Variants in ZFAND3 observed in about 807,000 individuals in gnomAD.
ZFAND3 encodes zinc finger AN1-type containing 3, also known as AN1-type zinc finger protein 3.
ZFAND3 carries 10 observed loss-of-function variants against 29.6 expected under a neutral mutation model. That is an observed-to-expected ratio of 0.34 (90% CI 0.21 to 0.57). ZFAND3 has a LOEUF of 0.57. ZFAND3 is among the 20% of genes least tolerant of loss of function. ZFAND3 has a pLI of 0.86. For missense variants in ZFAND3, 230 were observed against 304.5 expected, an observed-to-expected ratio of 0.76 and a Z score of 1.82; for synonymous variants, 128 against 112.6, an observed-to-expected ratio of 1.14 and a Z score of -0.87.
chr6:37,826,261 T>G (rs1170609887), intron 1 of ZFAND3, among the ~76,000 whole-genome samples: 1 of 152,036 alleles, frequency 6.6e-6, no homozygotes, highest in Non-Finnish European at 1.5e-5. Flanking sequence ...TGTGTCAGAG[T>G]GGTTTTCAAA....
intron 1 of ZFAND3, among the ~76,000 whole-genome samples, chr6:37,894,801 C>T (rs564303910): frequency 2.0e-5 from 3 of 152,258 alleles, no homozygotes; most frequent in African/African-American, 7.2e-5. Flanking sequence ...ATAGATTTTT[C>T]TGTCAGTATC....
chr6:38,153,880 A>C lies in ZFAND3; in HGVS notation c.*1491A>C. 3 of 985,494 alleles carry C rather than the reference A, an allele frequency of 3.0e-6. No homozygotes were observed. The highest frequency in any genetic ancestry group is 3.6e-6 in the Non-Finnish European group (3 of 829,946). 61.0% of individuals were successfully genotyped at this position (985,494 alleles called of 1,614,324 possible). On this transcript the variant is annotated 3_prime_UTR_variant, in exon 6 of 6. Coordinates refer to ENST00000287218, the MANE Select transcript of ZFAND3 (RefSeq NM_021943.3). ...GATCTGCCCACACATAGGCTACTGG[A>C]ATAGTTTAACCCAGCAACTTTCCTT...
chr6:37,872,914 T>C (rs1482580156), intron 1 of ZFAND3, among the ~76,000 whole-genome samples: 1 of 152,252 alleles, frequency 6.6e-6, no homozygotes, highest in Non-Finnish European at 1.5e-5. Flanking sequence ...TTGGCTAATG[T>C]GGCAGAACTT....
At chr6:38,120,607 T>C (rs533314142) in intron 5 of ZFAND3, among the ~76,000 whole-genome samples, 9 of 152,274 alleles carry the variant, frequency 5.9e-5, no homozygotes, top group Non-Finnish European at 1.2e-4. Flanking sequence ...ATTACAGGCA[T>C]GATCCACCAC....
chr6:38,149,410 C>CAAA lies in ZFAND3; in HGVS notation c.530-2808_530-2806dup, dbSNP rs35426126. On this transcript the variant is annotated intron_variant, in intron 5 of 5. Transcript: ENST00000287218. ...CTGGTGACAGAGCAAGACCCTGTCT[C>CAAA]AAAAAAAAAAAAAAAAAAACCTAAG... Among the ~76,000 whole-genome samples the CAAA allele has an allele frequency of 2.3e-3, 204 of 88,294 alleles. 2 individuals are homozygous for CAAA. The highest frequency in any genetic ancestry group is 6.3e-3 in the Middle Eastern group (1 of 160). The allele number at this position is 88,294 out of a possible 152,430, so 57.9% of individuals were successfully genotyped here.
chr6:38,129,856 A>C (rs544704728), intron 5 of ZFAND3, among the ~76,000 whole-genome samples: 2 of 151,444 alleles, frequency 1.3e-5, no homozygotes, highest in South Asian at 4.2e-4. Context: ...TTCTGTGAAG[A>C]ATGTTGGTGG....
chr6:37,980,645 G>A (rs1416739159), intron 2 of ZFAND3, among the ~76,000 whole-genome samples: 1 of 152,146 alleles, frequency 6.6e-6, no homozygotes, highest in Non-Finnish European at 1.5e-5. Context: ...ATCGGCATTT[G>A]TGCAGTAAGG....
chr6:38,020,672 A>T (rs1450877742), intron 2 of ZFAND3, among the ~76,000 whole-genome samples: 2 of 152,222 alleles, frequency 1.3e-5, no homozygotes, highest in African/African-American at 2.4e-5. Flanking sequence ...CCCATTACAC[A>T]GCCTGATATT....
intron 2 of ZFAND3, among the ~76,000 whole-genome samples, chr6:38,059,878 G>GA (rs1764201204): frequency 6.6e-6 from 1 of 152,008 alleles, no homozygotes; most frequent in Admixed American, 6.6e-5. Context: ...TCTGTCTCAA[G>GA]AAAAAAAGAA....
intron 5 of ZFAND3, among the ~76,000 whole-genome samples, chr6:38,124,338 C>T (rs547021295): frequency 6.6e-6 from 1 of 152,350 alleles, no homozygotes; most frequent in African/African-American, 2.4e-5. Context: ...CAATCCTCAG[C>T]CCTTGGGCAG....
chr6:38,040,079 C>T (rs773146015), intron 2 of ZFAND3, among the ~76,000 whole-genome samples: 3 of 152,048 alleles, frequency 2.0e-5, no homozygotes, highest in Non-Finnish European at 4.4e-5. Flanking sequence ...TATTTTTGTA[C>T]AGTCAGTATA....
intron 5 of ZFAND3, among the ~76,000 whole-genome samples, chr6:38,151,078 C>T (rs769131152): frequency 1.3e-5 from 2 of 152,180 alleles, no homozygotes; most frequent in African/African-American, 2.4e-5. Context: ...GGACCTCAGA[C>T]GTCTGTGCTC....
intron 5 of ZFAND3, among the ~76,000 whole-genome samples, chr6:38,144,171 G>GATATATAT (rs1315714773): frequency 4.6e-5 from 4 of 87,338 alleles, no homozygotes; most frequent in African/African-American, 1.1e-4. Flanking sequence ...AGAAAAATGT[G>GATATATAT]ATATATATAT....
chr6:37,913,881 TTTTTA>T (rs1561932040), intron 1 of ZFAND3, among the ~76,000 whole-genome samples: 3 of 151,920 alleles, frequency 2.0e-5, no homozygotes, highest in Admixed American at 6.6e-5. Context: ...TGGCTAATTT[TTTTTA>T]TTTTATTTTT....
chr6:38,051,902 A>T (rs1428128301), intron 2 of ZFAND3, among the ~76,000 whole-genome samples: 6 of 152,244 alleles, frequency 3.9e-5, no homozygotes, highest in African/African-American at 1.4e-4. Flanking sequence ...GTAAATGAAT[A>T]TTGAATATGA....
chr6:37,885,974 A>C (rs1764982069), intron 1 of ZFAND3, among the ~76,000 whole-genome samples: 1 of 152,048 alleles, frequency 6.6e-6, no homozygotes. Flanking sequence ...GCGGTGGCTT[A>C]TGCCAGTAAT....
intron 3 of ZFAND3, among the ~76,000 whole-genome samples, chr6:38,065,441 G>A (rs1273988402): frequency 5.9e-5 from 9 of 152,170 alleles, no homozygotes; most frequent in Admixed American, 5.2e-4. Flanking sequence ...TAGTGGGCAA[G>A]GTCACAAAAG....
At chr6:37,968,917 A>T (rs556207486) in intron 2 of ZFAND3, among the ~76,000 whole-genome samples, 15 of 152,202 alleles carry the variant, frequency 9.9e-5, no homozygotes, top group Non-Finnish European at 2.1e-4. Flanking sequence ...TTAAAGATAT[A>T]TTTCAGTGCA....
chr6:37,936,354 T>C lies in ZFAND3; in HGVS notation c.112+6355T>C, dbSNP rs1211077118. On this transcript the variant is annotated intron_variant, in intron 2 of 5. Coordinates refer to ENST00000287218, the MANE Select transcript of ZFAND3 (RefSeq NM_021943.3). ...GAAAGTAGCTATAACCTGTTGATCA[T>C]TGTATACTTTATAAGGCAGTGAGTC... Among the ~76,000 whole-genome samples the C allele has an allele frequency of 3.9e-5, 6 of 152,194 alleles. No homozygotes were observed. The South Asian group carries it at 6.2e-4, about 16-fold the overall frequency.
Sources: allele counts gnomAD v4.1 joint callset (sites outside exome capture counted in the v4.1 genomes callset), GRCh38; gene constraint gnomAD v4.1.1; transcripts MANE v1.5; gene names NCBI Gene and HGNC (gene_info 2026-07-23, HGNC 2026-07-21).